The following GRIP1 variants were observed in gnomAD, a reference collection of about 807,000 sequenced individuals.
The protein encoded by GRIP1 is glutamate receptor interacting protein 1.
GRIP1 carries 45 observed loss-of-function variants against 129.9 expected under a neutral mutation model. The observed-to-expected ratio is 0.35, with a 90% CI of 0.27 to 0.44. GRIP1 has a LOEUF of 0.44. Ranked by LOEUF, GRIP1 falls within the 20% of genes least tolerant of loss-of-function variation. The pLI, the probability that GRIP1 is intolerant of heterozygous loss-of-function variation, is 1.00. For missense variants in GRIP1, 1,196 were observed against 1,396.8 expected (o/e 0.86, Z 2.29); for synonymous variants, 530 against 520.8 (o/e 1.02, Z -0.24).
chr12:67,033,269 ATG>A (rs1322617094), intron 1 of GRIP1, among the ~76,000 whole-genome samples: 1 of 110,532 alleles, frequency 9.0e-6, no homozygotes, highest in African/African-American at 3.6e-5. Context: ...CAAAGACTAC[ATG>A]TATATATATA....
intron 1 of GRIP1, among the ~76,000 whole-genome samples, chr12:66,723,117 G>T (rs1439034745): frequency 1.4e-5 from 2 of 145,558 alleles, no homozygotes; most frequent in East Asian, 2.0e-4. Flanking sequence ...AATATTTTTT[G>T]GAAAAAAAAA....
At chr12:66,831,538 G>A (rs898167800) in intron 1 of GRIP1, among the ~76,000 whole-genome samples, 3 of 152,142 alleles carry the variant, frequency 2.0e-5, no homozygotes, top group Non-Finnish European at 4.4e-5. Context: ...ATGAGTATAT[G>A]CTTTATGTGT....
At chr12:66,420,824 T>G (rs780716309) in intron 14 of GRIP1, 35 bp from the exon 15 acceptor site, 4 of 1,130,452 alleles carry the variant, frequency 3.5e-6, no homozygotes, top group Non-Finnish European at 5.4e-6. Context: ...CACATCTTTA[T>G]ATCCATTATT....
chr12:66,723,244 C>CTTCCTTCT, intron 1 of GRIP1, among the ~76,000 whole-genome samples: 1 of 6,342 alleles, frequency 1.6e-4, no homozygotes. Context: ...CTCTCTCTTC[C>CTTCCTTCT]TTCCTTCCTT....
At chr12:66,889,999 G>A (rs1015303701) in intron 1 of GRIP1, among the ~76,000 whole-genome samples, 4 of 151,648 alleles carry the variant, frequency 2.6e-5, no homozygotes, top group East Asian at 3.9e-4. Context: ...GTGTAATCAC[G>A]GCTCAATGTA....
chr12:66,402,900 C>A (rs2057057165), intron 16 of GRIP1, among the ~76,000 whole-genome samples: 1 of 152,156 alleles, frequency 6.6e-6, no homozygotes, highest in Non-Finnish European at 1.5e-5. Context: ...AGAACGAATG[C>A]AGAGAAAGGG....
At chr12:66,788,208 T>G (rs924945090) in intron 1 of GRIP1, among the ~76,000 whole-genome samples, 5 of 152,070 alleles carry the variant, frequency 3.3e-5, no homozygotes, top group African/African-American at 4.8e-5. Context: ...GACTCTTTTT[T>G]GTTAAATACA....
At chr12:66,412,082 C>T (rs1191759499) in intron 15 of GRIP1, among the ~76,000 whole-genome samples, 2 of 152,122 alleles carry the variant, frequency 1.3e-5, no homozygotes, top group East Asian at 3.9e-4. Context: ...GGAGAACTTC[C>T]CTAGCCTAGC....
chr12:66,885,474 T>C (rs1219369929), intron 1 of GRIP1, among the ~76,000 whole-genome samples: 1 of 150,896 alleles, frequency 6.6e-6, no homozygotes, highest in Non-Finnish European at 1.5e-5. Flanking sequence ...AAGCCAGGAG[T>C]AGATGGAGGG....
At chr12:66,475,690 A>G (rs147948889) in intron 7 of GRIP1, among the ~76,000 whole-genome samples, 2,071 of 152,324 alleles carry the variant, frequency 0.014, 54 homozygotes, top group African/African-American at 0.047. Flanking sequence ...AAAACCACTC[A>G]ACTACATGGA....
chr12:67,027,831 C>G (rs1164475777), intron 1 of GRIP1, among the ~76,000 whole-genome samples: 1 of 152,182 alleles, frequency 6.6e-6, no homozygotes, highest in African/African-American at 2.4e-5. Context: ...TTCTGGACAT[C>G]TGCCTTGACC....
chr12:66,838,202 A>AT (rs1481324969), intron 1 of GRIP1, among the ~76,000 whole-genome samples: 4 of 151,654 alleles, frequency 2.6e-5, no homozygotes, highest in African/African-American at 7.3e-5. Context: ...AAAAAAAAAA[A>AT]ATCGAGCAGG....
At chr12:66,617,711 G>A (rs1162864374) in intron 1 of GRIP1, among the ~76,000 whole-genome samples, 1 of 151,332 alleles carries the variant, frequency 6.6e-6, no homozygotes, top group Non-Finnish European at 1.5e-5. Flanking sequence ...ATTATAAAAT[G>A]GGCTTATGTT....
At chr12:66,448,948 C>T (rs572386139) in intron 11 of GRIP1, among the ~76,000 whole-genome samples, 3 of 152,262 alleles carry the variant, frequency 2.0e-5, no homozygotes, top group Non-Finnish European at 4.4e-5. Context: ...TTTCTCCTGC[C>T]CATCCACTCT....
At chr12:66,630,348 A>G (rs79418601) in intron 1 of GRIP1, 11 of 138,446 alleles carry the variant, frequency 7.9e-5, no homozygotes, top group East Asian at 4.0e-4. Flanking sequence ...TGTGTCAAGG[A>G]AAAAAAAAAA....
chr12:66,441,741 T>C (rs1209645776), intron 13 of GRIP1, among the ~76,000 whole-genome samples: 1 of 152,194 alleles, frequency 6.6e-6, no homozygotes, highest in Non-Finnish European at 1.5e-5. Context: ...GCTTATCTTT[T>C]TTCTCTAGTA....
chr12:66,717,046 A>G (rs1457534668), intron 1 of GRIP1, among the ~76,000 whole-genome samples: 1 of 152,086 alleles, frequency 6.6e-6, no homozygotes, highest in East Asian at 1.9e-4. Flanking sequence ...CTGAGTGCCA[A>G]AAACCCTAGG....
chr12:66,982,638 G>A (rs1258083815), intron 1 of GRIP1, among the ~76,000 whole-genome samples: 1 of 152,096 alleles, frequency 6.6e-6, no homozygotes, highest in Non-Finnish European at 1.5e-5. Context: ...GTCCAACAAC[G>A]CTTTAGAAAT....
chr12:66,755,236 AT>A (rs1211960514), intron 1 of GRIP1, among the ~76,000 whole-genome samples: 29 of 152,276 alleles, frequency 1.9e-4, no homozygotes, highest in Non-Finnish European at 2.2e-4. Flanking sequence ...AGCCTTTAAT[AT>A]TTTTTTAGAA....
Sources: allele counts gnomAD v4.1 joint callset (sites outside exome capture counted in the v4.1 genomes callset), GRCh38; gene constraint gnomAD v4.1.1; transcripts MANE v1.5; gene names NCBI Gene and HGNC (gene_info 2026-07-23, HGNC 2026-07-21).